SLC17A6: variants seen among roughly 807,000 people sequenced by gnomAD.
SLC17A6 encodes the protein vesicular glutamate transporter 2.
A neutral mutation model predicts 67.1 loss-of-function variants in SLC17A6; 35 were observed. The observed-to-expected ratio is 0.52, with a 90% CI of 0.40 to 0.69. The LOEUF (loss-of-function observed/expected upper bound fraction) is 0.69, where lower values mean the gene tolerates loss of function less well. Ranked by LOEUF, SLC17A6 falls within the 30% of genes least tolerant of loss-of-function variation. The pLI is 0.00. For missense variants in SLC17A6, 588 were observed against 723.9 expected (o/e 0.81, Z 2.15); for synonymous variants, 285 against 252.3 (o/e 1.13, Z -1.23).
intron 9 of SLC17A6, 43 bp downstream of exon 9, chr11:22,374,930 C>T: frequency 6.4e-7 from 1 of 1,564,832 alleles, no homozygotes; most frequent in African/African-American, 1.4e-5. Context: ...TTAGTTCAAT[C>T]AGTTTAACCT....
In SLC17A6 at chr11:22,377,395, C is replaced by G. The variant is rs1439928754; in HGVS notation, c.1414-10C>G. ...GTCAGTTCTCACAGTGCTGCTTTTTCTCACTGCAGTCACGTGAAGAGTGGC... is the reference window on the plus strand; with the variant it reads ...GTCAGTTCTCACAGTGCTGCTTTTTGTCACTGCAGTCACGTGAAGAGTGGC... On this transcript the variant is annotated splice_polypyrimidine_tract_variant and intron_variant, in intron 11 of 11. Transcript: ENST00000263160. The G allele has an allele frequency of 6.3e-7, 1 of 1,586,432 alleles. No individual in the cohort carries two copies. Among genetic ancestry groups the G allele is most frequent in the Non-Finnish European group, 8.6e-7 (1 of 1,164,354 alleles).
chr11:22,374,732 T>A, intron 8 of SLC17A6, 23 bp from the exon 9 acceptor site: 1 of 1,568,850 alleles, frequency 6.4e-7, no homozygotes, highest in South Asian at 1.2e-5. Flanking sequence ...TGTCTATTTC[T>A]CTCCCTTCTT....
intron 4 of SLC17A6, among the ~76,000 whole-genome samples, chr11:22,360,220 G>A (rs1337354556): frequency 1.3e-5 from 2 of 151,928 alleles, no homozygotes; most frequent in Non-Finnish European, 2.9e-5. Flanking sequence ...ACAAACTAAT[G>A]TAGGAACAGA....
intron 5 of SLC17A6, among the ~76,000 whole-genome samples, chr11:22,362,519 T>G (rs953359809): frequency 6.6e-6 from 1 of 152,102 alleles, no homozygotes; most frequent in Non-Finnish European, 1.5e-5. Context: ...CTCTGTTGTG[T>G]CTTGGGTAGG....
At position 22,378,578 on chromosome 11, in the gene SLC17A6, C is replaced by A. The variant is rs1979072; in HGVS notation, c.*838C>A. ...GCATTAGAAAAAAAAGAGATATATA[C>A]ACCACAAAGAATCTAATAAGAAATT... On this transcript the variant is annotated 3_prime_UTR_variant, in exon 12 of 12. Coordinates refer to ENST00000263160, the MANE Select transcript of SLC17A6 (RefSeq NM_020346.3). 37,546 of 152,080 alleles carry A rather than the reference C, an allele frequency of 0.25. 5,147 individuals carry two copies. The highest frequency in any genetic ancestry group is 0.37 in the African/African-American group (15,179 of 41,346). 9.4% of individuals were successfully genotyped at this position (152,080 alleles called of 1,614,324 possible).
At position 22,362,738 on chromosome 11, in the gene SLC17A6, G is replaced by T. The variant is rs1364452570; in HGVS notation, c.662-1G>T. ...TTCTCCCATTCTTCCTTACACTTTA[G>T]GTTCCTATGCCGGAGCTGTGATTGC... is the stretch of plus-strand genomic sequence containing the variant. On this transcript the variant is annotated splice_acceptor_variant, in intron 5 of 11. Coordinates refer to ENST00000263160, the MANE Select transcript of SLC17A6 (RefSeq NM_020346.3). LOFTEE classifies it high-confidence loss of function. 2 of 1,613,056 alleles carry T rather than the reference G, an allele frequency of 1.2e-6. No homozygotes were observed. The highest frequency in any genetic ancestry group is 1.7e-6 in the Non-Finnish European group (2 of 1,179,124).
intron 6 of SLC17A6, among the ~76,000 whole-genome samples, chr11:22,363,400 T>C (rs1271527961): frequency 6.6e-6 from 1 of 152,214 alleles, no homozygotes; most frequent in African/African-American, 2.4e-5. Flanking sequence ...TAAAACAGTC[T>C]TGATATTCAC....
chr11:22,349,108 C>T (rs1855909360), intron 3 of SLC17A6, among the ~76,000 whole-genome samples: 2 of 152,148 alleles, frequency 1.3e-5, no homozygotes, highest in South Asian at 4.1e-4. Context: ...ATTTTTTCCT[C>T]TCTACTTACC....
chr11:22,344,235 A>C (rs981220781), intron 3 of SLC17A6, among the ~76,000 whole-genome samples: 3 of 152,148 alleles, frequency 2.0e-5, no homozygotes. Flanking sequence ...CCGCAAATAA[A>C]GACTTCCAGG....
At chr11:22,341,034 C>T (rs1855809031) in intron 1 of SLC17A6, among the ~76,000 whole-genome samples, 1 of 152,242 alleles carries the variant, frequency 6.6e-6, no homozygotes, top group African/African-American at 2.4e-5. Flanking sequence ...GAAAGGCTCT[C>T]TAGTTGGGCC....
intron 3 of SLC17A6, among the ~76,000 whole-genome samples, chr11:22,349,129 A>G (rs1855909772): frequency 6.6e-6 from 1 of 152,142 alleles, no homozygotes; most frequent in South Asian, 2.1e-4. Flanking sequence ...TATCCATTGC[A>G]ACCTCCATTG....
At position 22,371,927 on chromosome 11, in the gene SLC17A6, A is replaced by G. The variant is rs535102018; in HGVS notation, c.1041+1739A>G. Among the ~76,000 whole-genome samples the G allele has an allele frequency of 2.6e-5, 4 of 152,226 alleles. No homozygotes were observed. In the East Asian group the frequency reaches 7.7e-4, roughly 29 times the overall value. ...TTGGGTCTAGACTGACATGGCTTCA[A>G]ATCTAAGTTCTACAACAAAGTATTG... On this transcript the variant is annotated intron_variant, in intron 8 of 11. Coordinates refer to ENST00000263160, the MANE Select transcript of SLC17A6 (RefSeq NM_020346.3).
rs1217323324 is a variant in SLC17A6, at chr11:22,339,145, ATATATAGT to A, written c.86+533_86+540del. On this transcript the variant is annotated intron_variant, in intron 1 of 11. Transcript: ENST00000263160. ...TATATATATGTTATATATATATGTT[ATATATAGT>A]TATATATATATGTTATATATATATG... is the stretch of plus-strand genomic sequence containing the variant. Among the ~76,000 whole-genome samples, 10 of 8,154 alleles carry A rather than the reference ATATATAGT, an allele frequency of 1.2e-3. 1 individual carries two copies. The highest frequency in any genetic ancestry group is 2.4e-3 in the East Asian group (1 of 416). The allele number at this position is 8,154 out of a possible 152,430, so 5.3% of individuals were successfully genotyped here.
At chr11:22,360,841 TAA>T in intron 4 of SLC17A6, 54 bp from the exon 5 acceptor site, 14 of 1,502,762 alleles carry the variant, frequency 9.3e-6, no homozygotes, top group South Asian at 2.3e-5. Flanking sequence ...TACAGGATAC[TAA>T]AAAGACTCTT....
At chr11:22,375,022 A>G in intron 9 of SLC17A6, 135 bp downstream of exon 9, 3 of 892,514 alleles carry the variant, frequency 3.4e-6, no homozygotes, top group African/African-American at 1.7e-5. Flanking sequence ...ACTTAAAATA[A>G]CTTCCTCATA....
chr11:22,377,555 G>C lies in SLC17A6; in HGVS notation c.1564G>C (p.Asp522His). 6.2e-7 allele frequency: 1 copy of C among 1,614,114 alleles called. No individual in the cohort carries two copies. Residue 522 changes from aspartate (D) to histidine (H), a missense_variant, in exon 12 of 12, where the codon GAT (aspartate) becomes CAT (histidine). This residue lies in a region of SLC17A6 where 414 missense variants were observed against 563.4 expected (regional missense o/e 0.73). Transcript: ENST00000263160. ...AGAAAAATGTGGATTTATTCATGAA[G>C]ATGAACTCGATGAAGAAACAGGGGA... is the stretch of plus-strand genomic sequence containing the variant. ...SEEKCGFIHE[D>H]ELDEETGDIT...
In SLC17A6 at chr11:22,341,577, G is replaced by A. The variant is rs773836933; in HGVS notation, c.136G>A (p.Asp46Asn). 8 of 1,614,064 alleles carry A rather than the reference G, an allele frequency of 5.0e-6. No individual in the cohort carries two copies. Among genetic ancestry groups the A allele is most frequent in the Middle Eastern group, 1.7e-4 (1 of 6,058 alleles). Reference sequence around the variant, plus strand: ...CGGGGAGACAATCGAGCTGACGGAGGATGGGAAGCCCCTAGAGGTGCCCGA... The same window carrying A: ...CGGGGAGACAATCGAGCTGACGGAGAATGGGAAGCCCCTAGAGGTGCCCGA... ...DTGETIELTEDGKPLEVPERK... is the reference protein window; with the variant it reads ...DTGETIELTENGKPLEVPERK... Residue 46 changes from aspartate (D) to asparagine (N), a missense_variant, in exon 2 of 12, where the codon GAT becomes AAT. Coordinates refer to ENST00000263160, the MANE Select transcript of SLC17A6 (RefSeq NM_020346.3).
chr11:22,377,026 A>C (rs1466187824), intron 11 of SLC17A6, among the ~76,000 whole-genome samples: 1 of 152,172 alleles, frequency 6.6e-6, no homozygotes. Context: ...CCAAGGAACA[A>C]TATTATCATC....
intron 3 of SLC17A6, among the ~76,000 whole-genome samples, chr11:22,350,514 A>G (rs1427207164): frequency 6.6e-6 from 1 of 152,210 alleles, no homozygotes; most frequent in Non-Finnish European, 1.5e-5. Flanking sequence ...TTTTGAAAAC[A>G]TCTTTAATAA....
Sources: allele counts gnomAD v4.1 joint callset (sites outside exome capture counted in the v4.1 genomes callset), GRCh38; gene constraint gnomAD v4.1.1; regional missense constraint gnomAD v4.1.1; transcripts MANE v1.5; gene names NCBI Gene and HGNC (gene_info 2026-07-23, HGNC 2026-07-21).